NR3C1: variants seen among roughly 807,000 people sequenced by gnomAD.
NR3C1 encodes the protein nuclear receptor subfamily 3 group C member 1.
In NR3C1, 14 loss-of-function variants were observed where a neutral mutation model predicts 74.0. The ratio of observed to expected loss-of-function variants is 0.19; its 90% CI spans 0.12 to 0.30. NR3C1 has a LOEUF of 0.30. NR3C1 is among the 10% of genes least tolerant of loss of function. The probability of loss-of-function intolerance (pLI) is 1.00; values close to 1 mark genes in which losing one functional copy is unlikely to be tolerated. For missense variants in NR3C1, 695 were observed against 909.8 expected (o/e 0.76, Z 3.04); for synonymous variants, 308 against 332.5 (o/e 0.93, Z 0.80).
intron 1 of NR3C1, among the ~76,000 whole-genome samples, chr5:143,433,435 T>G (rs1218990625): frequency 2.9e-5 from 4 of 136,134 alleles, no homozygotes; most frequent in Admixed American, 7.9e-5. Context: ...TATATATATA[T>G]AATTTATTTA....
chr5:143,413,258 G>T (rs1841361559), intron 1 of NR3C1, among the ~76,000 whole-genome samples: 1 of 152,130 alleles, frequency 6.6e-6, no homozygotes, highest in African/African-American at 2.4e-5. Flanking sequence ...TATGGAGATG[G>T]TGGTCACGGA....
chr5:143,391,706 A>T (rs555221122), intron 2 of NR3C1, among the ~76,000 whole-genome samples: 8 of 152,198 alleles, frequency 5.3e-5, no homozygotes, highest in Non-Finnish European at 1.2e-4. Context: ...TGAAAAAAAA[A>T]ATCATTGTGA....
chr5:143,382,152 A>G (rs1387760313), intron 2 of NR3C1, among the ~76,000 whole-genome samples: 1 of 152,198 alleles, frequency 6.6e-6, no homozygotes, highest in East Asian at 1.9e-4. Context: ...CAACAGGTGT[A>G]TGAAGAAATG....
chr5:143,303,982 G>T, intron 4 of NR3C1, among the ~76,000 whole-genome samples: 1 of 152,076 alleles, frequency 6.6e-6, no homozygotes, highest in Non-Finnish European at 1.5e-5. Context: ...ATGGGCAAAA[G>T]CTGGAAGCAT....
chr5:143,373,857 G>A (rs1834672817), intron 2 of NR3C1, among the ~76,000 whole-genome samples: 1 of 152,066 alleles, frequency 6.6e-6, no homozygotes, highest in Admixed American at 6.6e-5. Flanking sequence ...AAGTTGGGTG[G>A]TAGGTACAAA....
intron 6 of NR3C1, among the ~76,000 whole-genome samples, chr5:143,296,804 C>T (rs1391262038): frequency 4.6e-5 from 7 of 151,878 alleles, no homozygotes; most frequent in South Asian, 4.2e-4. Context: ...GGGCTGGGTG[C>T]GGTGGCTCAC....
upstream of NR3C1, chr5:143,404,192 T>A (rs1840881886): frequency 3.0e-6 from 3 of 985,174 alleles, no homozygotes; most frequent in Non-Finnish European, 3.6e-6. Context: ...CTGAGCTGCG[T>A]GAGTGGCCCG....
chr5:143,279,504 A>G lies in NR3C1; in HGVS notation c.*2385T>C. On this transcript the variant is annotated 3_prime_UTR_variant, in exon 9 of 9. Coordinates refer to ENST00000394464, the MANE Select transcript of NR3C1 (RefSeq NM_000176.3). ...TATTCAAGCAGTTTTCTTAGGCACCAAAAATTTATCCAGCCGGGTTACACA... is the reference window on the plus strand; with the variant it reads ...TATTCAAGCAGTTTTCTTAGGCACCGAAAATTTATCCAGCCGGGTTACACA... 1 of 1,316,192 alleles carries G rather than the reference A, an allele frequency of 7.6e-7. No homozygotes were observed. Among genetic ancestry groups the G allele is most frequent in the African/African-American group, 1.5e-5 (1 of 64,862 alleles). 81.5% of individuals were successfully genotyped at this position (1,316,192 alleles called of 1,614,324 possible). A position where few individuals can be genotyped will look rare whatever the true frequency, so the allele number is the denominator to read the frequency against.
chr5:143,284,563 C>T (rs1038502847), intron 7 of NR3C1, among the ~76,000 whole-genome samples: 34 of 151,896 alleles, frequency 2.2e-4, no homozygotes, highest in African/African-American at 6.5e-4. Flanking sequence ...TTTTCCCTGC[C>T]GGTTAGTCCT....
At position 143,396,732 on chromosome 5, in the gene NR3C1, T is replaced by C. The variant is rs114813765; in HGVS notation, c.1184+2924A>G. 7.3e-3 allele frequency among the ~76,000 whole-genome samples: 1,109 copies of C among 151,914 alleles called. 16 individuals carry two copies. The highest frequency in any genetic ancestry group is 0.026 in the African/African-American group (1,066 of 41,542). ...GCCGAAAACTGAATTTACAAGTTCA[T>C]CCTACATCATTCATTCTCTCCAATA... is the stretch of plus-strand genomic sequence containing the variant. On this transcript the variant is annotated intron_variant, in intron 2 of 8. Transcript: ENST00000394464.
intron 2 of NR3C1, among the ~76,000 whole-genome samples, chr5:143,386,460 C>T (rs1323542665): frequency 1.3e-5 from 2 of 152,140 alleles, no homozygotes; most frequent in East Asian, 3.9e-4. Context: ...GAAGGATGTT[C>T]AGGGTGTACT....
chr5:143,390,555 A>T (rs1838045960), intron 2 of NR3C1, among the ~76,000 whole-genome samples: 1 of 152,216 alleles, frequency 6.6e-6, no homozygotes, highest in Non-Finnish European at 1.5e-5. Flanking sequence ...CTTAGAGGTG[A>T]ATAGTCTCTA....
intron 7 of NR3C1, among the ~76,000 whole-genome samples, chr5:143,293,298 T>G (rs745565744): frequency 6.6e-6 from 1 of 152,192 alleles, no homozygotes; most frequent in Non-Finnish European, 1.5e-5. Flanking sequence ...AAATATTGCA[T>G]GTTCTCACTT....
At chr5:143,409,461 G>A (rs1027901338) in intron 1 of NR3C1, among the ~76,000 whole-genome samples, 2 of 152,094 alleles carry the variant, frequency 1.3e-5, no homozygotes, top group African/African-American at 4.8e-5. Context: ...CGTGTATTGT[G>A]TACATGTGTA....
At chr5:143,356,914 C>T (rs928355796) in intron 2 of NR3C1, among the ~76,000 whole-genome samples, 1 of 152,110 alleles carries the variant, frequency 6.6e-6, no homozygotes, top group African/African-American at 2.4e-5. Context: ...TTACTAGGTG[C>T]AAGATTTAAG....
chr5:143,432,268 C>T (rs540806250), intron 1 of NR3C1, among the ~76,000 whole-genome samples: 7 of 152,254 alleles, frequency 4.6e-5, no homozygotes, highest in South Asian at 4.1e-4. Context: ...ATATGTAATG[C>T]GCTAGGTTAA....
intron 4 of NR3C1, among the ~76,000 whole-genome samples, chr5:143,304,799 G>A (rs1819232642): frequency 6.6e-6 from 1 of 152,074 alleles, no homozygotes; most frequent in Non-Finnish European, 1.5e-5. Context: ...AAGCCATAGG[G>A]AAAAGACTCC....
chr5:143,287,139 A>G (rs1016674436), intron 7 of NR3C1, among the ~76,000 whole-genome samples: 1 of 152,090 alleles, frequency 6.6e-6, no homozygotes, highest in Non-Finnish European at 1.5e-5. Flanking sequence ...AACTAGAAAA[A>G]GAGGAACAAA....
intron 6 of NR3C1, 24 bp from the exon 7 acceptor site, chr5:143,295,614 ATTAG>A (rs1561493775): frequency 1.3e-6 from 2 of 1,589,550 alleles, no homozygotes; most frequent in Non-Finnish European, 1.7e-6. Context: ...ATAGCAGGGT[ATTAG>A]TTAGAAATAC....
Sources: gnomAD v4.1 joint callset for allele counts (sites outside exome capture counted in the v4.1 genomes callset) on GRCh38, gnomAD v4.1.1 for gene constraint, MANE v1.5 for transcripts, NCBI Gene and HGNC (gene_info 2026-07-23, HGNC 2026-07-21) for gene names.